The following GUCY2F variants were observed in gnomAD, a reference collection of about 807,000 sequenced individuals.
GUCY2F encodes the protein guanylate cyclase 2F, retinal, also known as retinal guanylyl cyclase 2.
A neutral mutation model predicts 73.1 loss-of-function variants in GUCY2F; 61 were observed. The ratio of observed to expected loss-of-function variants is 0.83; its 90% CI spans 0.68 to 1.03. The LOEUF (loss-of-function observed/expected upper bound fraction) is 1.03. GUCY2F is among the 50% of genes least tolerant of loss of function. GUCY2F has a pLI of 0.00. For synonymous variants in GUCY2F, 331 were observed against 307.8 expected (o/e 1.08, Z -0.79); for missense variants, 912 against 854.3 (o/e 1.07, Z -0.84).
intron 8 of GUCY2F, among the ~76,000 whole-genome samples, chrX:109,413,352 G>A (rs1931158442): frequency 9.0e-6 from 1 of 111,709 alleles, no homozygotes; most frequent in Non-Finnish European, 1.9e-5. Context: ...AAATGTTTAA[G>A]AGTTGAATGT....
At chrX:109,398,768 CTCAGAGGGTACTGTTTT>C in intron 10 of GUCY2F, 70 bp from the exon 11 acceptor site, 1 of 965,753 alleles carries the variant, frequency 1.0e-6, no homozygotes, top group Non-Finnish European at 1.4e-6. Context: ...CCCTCAAGGG[CTCAGAGGGTACTGTTTT>C]ATTGACTGCC....
chrX:109,471,544 T>C (rs745888556), intron 2 of GUCY2F, among the ~76,000 whole-genome samples: 1 of 112,384 alleles, frequency 8.9e-6, no homozygotes, highest in African/African-American at 3.2e-5. Context: ...GGCCCTCAAG[T>C]CCAATCAGCT....
chrX:109,415,994 G>A (rs1248200261), intron 8 of GUCY2F, among the ~76,000 whole-genome samples: 1 of 111,595 alleles, frequency 9.0e-6, no homozygotes, highest in Admixed American at 9.5e-5. Flanking sequence ...AAGAGTGACC[G>A]AAAGCAGAAA....
intron 8 of GUCY2F, among the ~76,000 whole-genome samples, chrX:109,418,997 G>A (rs927484776): frequency 3.6e-5 from 4 of 110,450 alleles, no homozygotes; most frequent in African/African-American, 1.3e-4. Context: ...TAACGAATTT[G>A]ACATTTCTTG....
chrX:109,467,361 T>C (rs1208893570), intron 2 of GUCY2F, among the ~76,000 whole-genome samples: 2 of 112,240 alleles, frequency 1.8e-5, no homozygotes, highest in Non-Finnish European at 3.8e-5. Context: ...AACAGTATCC[T>C]CAGCAAGTAG....
At chrX:109,421,807 A>C (rs1931378134) in intron 8 of GUCY2F, among the ~76,000 whole-genome samples, 1 of 111,675 alleles carries the variant, frequency 9.0e-6, no homozygotes, top group Non-Finnish European at 1.9e-5. Flanking sequence ...ATTGTCAAAA[A>C]AAACTCTTCT....
At position 109,430,478 on chromosome X, in the gene GUCY2F, G is replaced by A. The variant is rs889113022; in HGVS notation, c.1702-82C>T. The A allele has an allele frequency of 7.0e-6, 4 of 572,940 alleles. No individual in the cohort carries two copies. In the African/African-American group the frequency reaches 8.9e-5, roughly 13 times the overall value. 47.2% of individuals were successfully genotyped at this position (572,940 alleles called of 1,213,427 possible). On this transcript the variant is annotated intron_variant, in intron 7 of 19. Coordinates refer to ENST00000218006, the MANE Select transcript of GUCY2F (RefSeq NM_001522.3). The stretch of plus-strand genomic sequence containing the variant: ...GAAAAATGTCCCTTCCACATAAAGG[G>A]TTTATACCTATACCAGCAATCCAAA...
chrX:109,470,408 G>A (rs1246193106), intron 2 of GUCY2F, among the ~76,000 whole-genome samples: 1 of 111,828 alleles, frequency 8.9e-6, no homozygotes, highest in African/African-American at 3.3e-5. Flanking sequence ...AAGGCTCCTA[G>A]TCATAGTATT....
intron 8 of GUCY2F, among the ~76,000 whole-genome samples, chrX:109,421,610 CAGATTTGCAAGATGAAAAAGCTTA>C (rs1931373978): frequency 9.0e-6 from 1 of 111,224 alleles, no homozygotes; most frequent in Non-Finnish European, 1.9e-5. Context: ...TTTTCAAGAT[CAGATTTGCAAGATGAAAAAGCTTA>C]AGATTTGCAA....
rs779978031 is a variant in GUCY2F at position 109,435,173 on chromosome X, G to A, written c.1702-4777C>T. Among the ~76,000 whole-genome samples, 8 of 111,490 alleles carry A rather than the reference G, an allele frequency of 7.2e-5. No individual in the cohort carries two copies. In the East Asian group the frequency reaches 8.4e-4, roughly 12 times the overall value. ...TTCCAATTCTGTGAAGAAAGTCATCGGTAGCCTGATGGGGATGGCATTGAA... is the reference window on the plus strand; with the variant it reads ...TTCCAATTCTGTGAAGAAAGTCATCAGTAGCCTGATGGGGATGGCATTGAA... On this transcript the variant is annotated intron_variant, in intron 7 of 19. Transcript: ENST00000218006.
chrX:109,399,039 A>G (rs1323094813), intron 10 of GUCY2F, among the ~76,000 whole-genome samples: 1 of 112,149 alleles, frequency 8.9e-6, no homozygotes, highest in Non-Finnish European at 1.9e-5. Flanking sequence ...CAAGTGTGCT[A>G]CCACACTGGT....
At chrX:109,416,248 C>T (rs1426361083) in intron 8 of GUCY2F, among the ~76,000 whole-genome samples, 1 of 110,587 alleles carries the variant, frequency 9.0e-6, no homozygotes, top group Non-Finnish European at 1.9e-5. Flanking sequence ...ACAAATCTTG[C>T]AATTAGCAGA....
intron 10 of GUCY2F, among the ~76,000 whole-genome samples, chrX:109,399,662 T>C (rs73530213): frequency 0.13 from 14,522 of 110,552 alleles, 2,309 homozygotes; most frequent in African/African-American, 0.45. Flanking sequence ...AGTTAGATAT[T>C]GGCAATTTCA....
intron 5 of GUCY2F, 132 bp from the exon 6 acceptor site, chrX:109,448,297 G>T (rs1932067797): frequency 2.6e-6 from 1 of 382,172 alleles, no homozygotes. Flanking sequence ...ATCACACATG[G>T]ATTTTTACCA....
At chrX:109,374,421 C>T (rs1400022145) in intron 19 of GUCY2F, among the ~76,000 whole-genome samples, 2 of 111,759 alleles carry the variant, frequency 1.8e-5, no homozygotes, top group East Asian at 5.6e-4. Flanking sequence ...AGTGAATTTA[C>T]AAATGACCTA....
At position 109,372,951 on chromosome X, in the gene GUCY2F, T is replaced by A. The variant is rs1485890192; in HGVS notation, c.*50A>T. ...ACAATTTCTTGAACTGAAGTGAGCT[T>A]TCCCATTGCCTCACCAAGAGAAGAT... On this transcript the variant is annotated 3_prime_UTR_variant, in exon 20 of 20. Coordinates refer to ENST00000218006, the MANE Select transcript of GUCY2F (RefSeq NM_001522.3). 1 of 113,163 alleles carries A rather than the reference T, an allele frequency of 8.8e-6. No homozygotes were observed. Among genetic ancestry groups the A allele is most frequent in the Non-Finnish European group, 1.9e-5 (1 of 53,330 alleles). The allele number at this position is 113,163 out of a possible 1,213,427, so 9.3% of individuals were successfully genotyped here.
chrX:109,429,145 C>T (rs1174180525), intron 8 of GUCY2F, among the ~76,000 whole-genome samples: 1 of 112,326 alleles, frequency 8.9e-6, no homozygotes, highest in African/African-American at 3.2e-5. Flanking sequence ...GGCGCGGTGG[C>T]TCACGCCTGT....
At chrX:109,476,755 TAGATAGATAGATAGATAGAC>T (rs1276207612) in intron 1 of GUCY2F, among the ~76,000 whole-genome samples, 7 of 106,075 alleles carry the variant, frequency 6.6e-5, no homozygotes, top group African/African-American at 1.9e-4. Context: ...GATAGATAGA[TAGATAGATAGATAGATAGAC>T]AGACTATATA....
intron 8 of GUCY2F, among the ~76,000 whole-genome samples, chrX:109,423,112 T>C (rs754498792): frequency 8.9e-6 from 1 of 112,292 alleles, no homozygotes; most frequent in African/African-American, 3.2e-5. Flanking sequence ...GGGACACAAG[T>C]GAAATTTTGG....
Sources: allele counts gnomAD v4.1 joint callset (sites outside exome capture counted in the v4.1 genomes callset), GRCh38; gene constraint gnomAD v4.1.1; transcripts MANE v1.5; gene names NCBI Gene and HGNC (gene_info 2026-07-23, HGNC 2026-07-21).